Variants in TRPM3 observed in about 807,000 individuals in gnomAD.
TRPM3 encodes transient receptor potential cation channel subfamily M member 3.
In TRPM3, 77 loss-of-function variants were observed where a neutral mutation model predicts 181.2. The observed-to-expected ratio is 0.42, with a 90% CI of 0.35 to 0.51. TRPM3 has a LOEUF of 0.51. Ranked by LOEUF, TRPM3 falls within the 20% of genes least tolerant of loss-of-function variation. TRPM3 has a pLI of 0.01. For synonymous variants in TRPM3, 745 were observed against 796.4 expected, an observed-to-expected ratio of 0.94 and a Z score of 1.09; for missense variants, 1,759 against 2,196.7, an observed-to-expected ratio of 0.80 and a Z score of 3.98.
At chr9:71,209,366 TG>T (rs1205292414) in intron 1 of TRPM3, among the ~76,000 whole-genome samples, 5 of 17,064 alleles carry the variant, frequency 2.9e-4, no homozygotes, top group African/African-American at 1.0e-3. Context: ...AATGAGGGGG[TG>T]GGGGGAGAAG....
intron 1 of TRPM3, among the ~76,000 whole-genome samples, chr9:70,890,977 C>G (rs2096191636): frequency 1.3e-5 from 2 of 150,904 alleles, no homozygotes; most frequent in African/African-American, 4.9e-5. Context: ...AATTGTTCAG[C>G]AATGGGACAC....
chr9:71,096,624 T>TCC (rs1565186939), intron 1 of TRPM3, among the ~76,000 whole-genome samples: 12 of 142,316 alleles, frequency 8.4e-5, no homozygotes, highest in African/African-American at 2.6e-4. Flanking sequence ...TCTCTCTCTC[T>TCC]CCCCCTCTCC....
chr9:70,959,196 A>T (rs2097111505), intron 1 of TRPM3, among the ~76,000 whole-genome samples: 1 of 152,114 alleles, frequency 6.6e-6, no homozygotes, highest in African/African-American at 2.4e-5. Context: ...TGTAAAAAAA[A>T]AATGTATAGT....
At chr9:71,353,671 C>T (rs1474424015) in intron 1 of TRPM3, among the ~76,000 whole-genome samples, 2 of 152,148 alleles carry the variant, frequency 1.3e-5, no homozygotes, top group Non-Finnish European at 2.9e-5. Context: ...TGACAGATAT[C>T]GCTCTTTGTT....
intron 7 of TRPM3, among the ~76,000 whole-genome samples, chr9:70,780,875 CTTAA>C (rs1257579139): frequency 1.3e-5 from 2 of 152,128 alleles, no homozygotes; most frequent in Non-Finnish European, 2.9e-5. Flanking sequence ...AAAAATTATA[CTTAA>C]TTCTTTACCT....
chr9:70,779,800 A>C (rs1040227271), intron 7 of TRPM3, among the ~76,000 whole-genome samples: 1 of 152,192 alleles, frequency 6.6e-6, no homozygotes, highest in African/African-American at 2.4e-5. Context: ...AACAAAATTA[A>C]TTACGGAAAG....
At chr9:71,186,030 T>G (rs1182942566) in intron 1 of TRPM3, among the ~76,000 whole-genome samples, 1 of 152,180 alleles carries the variant, frequency 6.6e-6, no homozygotes, top group Admixed American at 6.6e-5. Context: ...TCTGGTGGTT[T>G]GCTGAAAATC....
chr9:70,806,815 A>C (rs2131335315), intron 6 of TRPM3, among the ~76,000 whole-genome samples: 1 of 152,330 alleles, frequency 6.6e-6, no homozygotes, highest in Admixed American at 6.5e-5. Flanking sequence ...AGACTATATG[A>C]ATGATTCTTC....
chr9:71,282,122 A>G (rs1451126681), intron 1 of TRPM3, among the ~76,000 whole-genome samples: 1 of 148,802 alleles, frequency 6.7e-6, no homozygotes, highest in Non-Finnish European at 1.5e-5. Flanking sequence ...AAGAAAAAGA[A>G]AGAACGAAAG....
intron 1 of TRPM3, among the ~76,000 whole-genome samples, chr9:71,344,102 C>G (rs2091143303): frequency 6.6e-6 from 1 of 151,940 alleles, no homozygotes; most frequent in African/African-American, 2.4e-5. Context: ...AAGATGATAA[C>G]TGATGAATGT....
chr9:71,144,713 G>C (rs746137941), intron 1 of TRPM3, among the ~76,000 whole-genome samples: 18 of 152,162 alleles, frequency 1.2e-4, no homozygotes, highest in Non-Finnish European at 2.1e-4. Flanking sequence ...CCAGATTGCT[G>C]ATCAGTCATT....
intron 1 of TRPM3, among the ~76,000 whole-genome samples, chr9:71,092,098 G>T (rs1038769598): frequency 3.3e-5 from 5 of 152,056 alleles, no homozygotes; most frequent in African/African-American, 1.2e-4. Context: ...TTATTCATTT[G>T]CAAGCTTCTA....
chr9:70,996,966 G>A (rs1445547866), intron 1 of TRPM3, among the ~76,000 whole-genome samples: 1 of 152,088 alleles, frequency 6.6e-6, no homozygotes, highest in African/African-American at 2.4e-5. Flanking sequence ...CTTTTAATAC[G>A]AGTTTATGAC....
At chr9:70,669,616 A>G (rs1402422030) in intron 9 of TRPM3, among the ~76,000 whole-genome samples, 1 of 152,242 alleles carries the variant, frequency 6.6e-6, no homozygotes, top group Non-Finnish European at 1.5e-5. Context: ...CCTGCTTATA[A>G]TAGATGAACC....
intron 1 of TRPM3, among the ~76,000 whole-genome samples, chr9:71,256,997 C>T (rs898460085): frequency 2.0e-5 from 3 of 152,114 alleles, no homozygotes; most frequent in African/African-American, 2.4e-5. Context: ...AATCTTACAA[C>T]GAAGAACCCT....
chr9:70,559,887 T>A (rs2048642461), intron 22 of TRPM3, among the ~76,000 whole-genome samples: 1 of 152,144 alleles, frequency 6.6e-6, no homozygotes, highest in Admixed American at 6.5e-5. Context: ...CGAGGGACCA[T>A]CCTGAGAGGG....
At chr9:70,947,090 A>T (rs2096941883) in intron 1 of TRPM3, among the ~76,000 whole-genome samples, 1 of 152,190 alleles carries the variant, frequency 6.6e-6, no homozygotes, top group Admixed American at 6.5e-5. Context: ...TATGAGTGAA[A>T]TTTCTGGCTC....
At chr9:71,204,010 T>A (rs533098576) in intron 1 of TRPM3, among the ~76,000 whole-genome samples, 3 of 152,058 alleles carry the variant, frequency 2.0e-5, no homozygotes, top group African/African-American at 7.2e-5. Flanking sequence ...GCTAGCCATA[T>A]GTAGAAAGCT....
At chr9:70,833,059 T>C (rs181230693) in intron 5 of TRPM3, among the ~76,000 whole-genome samples, 36 of 152,348 alleles carry the variant, frequency 2.4e-4, no homozygotes, top group Middle Eastern at 3.4e-3. Flanking sequence ...TTAGAGGACT[T>C]GACTAATTTC....
Sources: gnomAD v4.1 joint callset for allele counts (sites outside exome capture counted in the v4.1 genomes callset) on GRCh38, gnomAD v4.1.1 for gene constraint, MANE v1.5 for transcripts, NCBI Gene and HGNC (gene_info 2026-07-23, HGNC 2026-07-21) for gene names.